Variants in EDIL3 observed in about 807,000 individuals in gnomAD.
EDIL3 encodes the protein EGF-like repeat and discoidin I-like domain-containing protein 3.
Under a neutral mutation model 67.4 loss-of-function variants are expected in EDIL3, and 37 were observed. The observed-to-expected ratio is 0.55, with a 90% CI of 0.42 to 0.72. The LOEUF is 0.72. EDIL3 is among the 30% of genes least tolerant of loss of function. The pLI is 0.00. For synonymous variants in EDIL3, 195 were observed against 196.3 expected (o/e 0.99, Z 0.05); for missense variants, 527 against 586.3 (o/e 0.90, Z 1.04).
At chr5:84,256,847 CT>C (rs747290411) in intron 1 of EDIL3, among the ~76,000 whole-genome samples, 6 of 152,216 alleles carry the variant, frequency 3.9e-5, no homozygotes, top group Non-Finnish European at 7.4e-5. Flanking sequence ...TCTCTTGACC[CT>C]TCATAGAGGT....
intron 4 of EDIL3, among the ~76,000 whole-genome samples, chr5:84,142,575 C>A: frequency 6.6e-6 from 1 of 152,014 alleles, no homozygotes; most frequent in East Asian, 1.9e-4. Flanking sequence ...ACATTTAATT[C>A]ACCAACATGG....
chr5:83,949,345 C>T (rs1744367255), intron 10 of EDIL3, among the ~76,000 whole-genome samples: 1 of 151,682 alleles, frequency 6.6e-6, no homozygotes, highest in African/African-American at 2.4e-5. Context: ...AAAAATTCAA[C>T]CAAAATGTAT....
chr5:84,172,605 AC>A (rs1354765941), intron 4 of EDIL3, among the ~76,000 whole-genome samples: 2 of 150,238 alleles, frequency 1.3e-5, no homozygotes, highest in African/African-American at 5.0e-5. Flanking sequence ...AACAACAACA[AC>A]AACAAAAAAA....
At chr5:83,958,709 A>G (rs1421043299) in intron 10 of EDIL3, among the ~76,000 whole-genome samples, 1 of 151,448 alleles carries the variant, frequency 6.6e-6, no homozygotes, top group Non-Finnish European at 1.5e-5. Context: ...CCTGAAATTT[A>G]TTATTGCTTT....
intron 5 of EDIL3, among the ~76,000 whole-genome samples, chr5:84,133,552 C>T (rs1167643718): frequency 1.3e-5 from 2 of 151,094 alleles, no homozygotes; most frequent in African/African-American, 2.4e-5. Context: ...AGGAGAATCA[C>T]TTGAACCCAG....
chr5:84,224,338 A>C (rs896501106), intron 3 of EDIL3, among the ~76,000 whole-genome samples: 4 of 151,518 alleles, frequency 2.6e-5, no homozygotes, highest in Non-Finnish European at 4.4e-5. Context: ...CAAATAAACT[A>C]AAAGCAATGA....
intron 1 of EDIL3, among the ~76,000 whole-genome samples, chr5:84,344,673 T>G (rs1036920399): frequency 6.6e-6 from 1 of 152,134 alleles, no homozygotes; most frequent in Non-Finnish European, 1.5e-5. Context: ...GTTTTTATAC[T>G]GTTAAACATT....
chr5:84,075,119 T>C, intron 6 of EDIL3, among the ~76,000 whole-genome samples: 1 of 151,796 alleles, frequency 6.6e-6, no homozygotes, highest in Non-Finnish European at 1.5e-5. Context: ...AAACACCGCA[T>C]GTTCTCACTC....
chr5:83,958,782 T>C (rs1274144292), intron 10 of EDIL3, among the ~76,000 whole-genome samples: 8 of 151,476 alleles, frequency 5.3e-5, no homozygotes, highest in Admixed American at 4.0e-4. Flanking sequence ...GCAGTTTTCC[T>C]GCTAAATGCA....
chr5:84,018,306 C>T (rs1263818084), intron 9 of EDIL3, among the ~76,000 whole-genome samples: 3 of 152,102 alleles, frequency 2.0e-5, no homozygotes, highest in Admixed American at 2.0e-4. Context: ...CTAATTGGGC[C>T]AACATACAAA....
intron 9 of EDIL3, among the ~76,000 whole-genome samples, chr5:83,990,944 T>C (rs1414302480): frequency 2.0e-5 from 3 of 151,898 alleles, no homozygotes. Context: ...AAGAGTTAAG[T>C]GCAGAGCACA....
chr5:84,202,867 C>T (rs1487212959), intron 3 of EDIL3, among the ~76,000 whole-genome samples: 7 of 152,022 alleles, frequency 4.6e-5, no homozygotes, highest in Admixed American at 1.3e-4. Context: ...TGTAATTTTA[C>T]CATTCCACTG....
intron 6 of EDIL3, among the ~76,000 whole-genome samples, chr5:84,091,176 C>T (rs1747159998): frequency 6.6e-6 from 1 of 152,106 alleles, no homozygotes; most frequent in Admixed American, 6.6e-5. Context: ...TGACTCCCAA[C>T]TTTTCAACTT....
chr5:84,151,655 C>T (rs1748395985), intron 4 of EDIL3, among the ~76,000 whole-genome samples: 1 of 152,040 alleles, frequency 6.6e-6, no homozygotes, highest in Admixed American at 6.6e-5. Context: ...TTTTCTATTG[C>T]TCTTATATTT....
chr5:83,954,471 T>C (rs1336343121), intron 10 of EDIL3, among the ~76,000 whole-genome samples: 3 of 151,592 alleles, frequency 2.0e-5, no homozygotes, highest in African/African-American at 7.3e-5. Flanking sequence ...TGTTAAAAAA[T>C]AATGTGTCAC....
At chr5:84,305,795 C>A (rs531144327) in intron 1 of EDIL3, among the ~76,000 whole-genome samples, 1 of 152,002 alleles carries the variant, frequency 6.6e-6, no homozygotes, top group East Asian at 1.9e-4. Flanking sequence ...AGGAGAATTG[C>A]TTGAACCCAG....
At chr5:84,155,438 TG>T (rs1277744978) in intron 4 of EDIL3, among the ~76,000 whole-genome samples, 2 of 152,174 alleles carry the variant, frequency 1.3e-5, no homozygotes, top group Non-Finnish European at 2.9e-5. Flanking sequence ...TGTCTAGAAT[TG>T]TTTTTCATTC....
intron 6 of EDIL3, among the ~76,000 whole-genome samples, chr5:84,084,755 G>T (rs1298772588): frequency 6.6e-6 from 1 of 152,104 alleles, no homozygotes; most frequent in African/African-American, 2.4e-5. Context: ...AAGAAAAGAC[G>T]CATAAACAAC....
chr5:83,967,484 A>G (rs1022459813), intron 9 of EDIL3, among the ~76,000 whole-genome samples: 5 of 152,110 alleles, frequency 3.3e-5, no homozygotes, highest in African/African-American at 1.2e-4. Flanking sequence ...TGAAAACAAG[A>G]GGGAGGATAC....
Sources: gnomAD v4.1 joint callset for allele counts (sites outside exome capture counted in the v4.1 genomes callset) on GRCh38, gnomAD v4.1.1 for gene constraint, MANE v1.5 for transcripts, NCBI Gene and HGNC (gene_info 2026-07-23, HGNC 2026-07-21) for gene names.